CLPB: variants seen among roughly 807,000 people sequenced by gnomAD.
CLPB encodes the protein ClpB family mitochondrial disaggregase.
A neutral mutation model predicts 78.4 loss-of-function variants in CLPB; 40 were observed. The ratio of observed to expected loss-of-function variants is 0.51; its 90% confidence interval spans 0.40 to 0.66. The LOEUF (loss-of-function observed/expected upper bound fraction) is 0.66, where lower values mean the gene tolerates loss of function less well. CLPB is among the 30% of genes least tolerant of loss of function. The pLI, the probability that CLPB is intolerant of heterozygous loss-of-function variation, is 0.00. For synonymous variants in CLPB, 333 were observed against 348.0 expected (o/e 0.96, Z 0.48); for missense variants, 780 against 886.9 (o/e 0.88, Z 1.53).
intron 5 of CLPB, among the ~76,000 whole-genome samples, chr11:72,335,571 T>C (rs1950305516): frequency 6.6e-6 from 1 of 152,202 alleles, no homozygotes; most frequent in African/African-American, 2.4e-5. Flanking sequence ...GACTCAGTCC[T>C]AGCTTCTCCT....
At chr11:72,411,661 CAG>C (rs1292139154) in intron 2 of CLPB, 1 of 152,186 alleles carries the variant, frequency 6.6e-6, no homozygotes, top group African/African-American at 2.4e-5. Flanking sequence ...GAAAGGGACA[CAG>C]GGGCAGCTTT....
intron 2 of CLPB, among the ~76,000 whole-genome samples, chr11:72,406,018 A>C (rs1289334052): frequency 6.6e-6 from 1 of 152,294 alleles, no homozygotes; most frequent in Non-Finnish European, 1.5e-5. Context: ...CCTAGTTGCC[A>C]TTCCTTAGCT....
intron 5 of CLPB, among the ~76,000 whole-genome samples, chr11:72,343,432 C>G (rs1186048566): frequency 1.3e-5 from 2 of 152,116 alleles, no homozygotes; most frequent in Non-Finnish European, 2.9e-5. Flanking sequence ...TCTGCTGATA[C>G]CTGCTTTCAT....
chr11:72,362,022 A>G (rs1950848434), intron 4 of CLPB, among the ~76,000 whole-genome samples: 1 of 152,208 alleles, frequency 6.6e-6, no homozygotes, highest in African/African-American at 2.4e-5. Flanking sequence ...AGCCCAACTA[A>G]TAAGGAATGT....
chr11:72,314,454 G>A (rs573041079), intron 7 of CLPB, among the ~76,000 whole-genome samples: 5 of 152,228 alleles, frequency 3.3e-5, no homozygotes, highest in East Asian at 1.9e-4. Context: ...TGGGCTACTA[G>A]AGAGCAGGTG....
chr11:72,357,674 C>G (rs1950744632), intron 5 of CLPB, among the ~76,000 whole-genome samples: 1 of 107,534 alleles, frequency 9.3e-6, no homozygotes, highest in African/African-American at 3.8e-5. Context: ...CCAGCCTGGG[C>G]AACAAAAGCA....
intron 2 of CLPB, among the ~76,000 whole-genome samples, chr11:72,406,913 T>A (rs912576561): frequency 1.3e-5 from 2 of 152,160 alleles, no homozygotes; most frequent in African/African-American, 4.8e-5. Flanking sequence ...TACGTGTGTG[T>A]GTGTATGTGT....
At chr11:72,403,230 T>C (rs568326182) in intron 2 of CLPB, among the ~76,000 whole-genome samples, 178 bp from the exon 3 acceptor site, 1 of 152,306 alleles carries the variant, frequency 6.6e-6, no homozygotes, top group South Asian at 2.1e-4. Context: ...AGTCAGGAAA[T>C]AGAGGCCTTT....
At position 72,293,630 on chromosome 11, in the gene CLPB, G is replaced by C; in HGVS notation, c.1786-15C>G. The C allele has an allele frequency of 6.2e-7, 1 of 1,604,956 alleles. No individual in the cohort carries two copies. The highest frequency in any genetic ancestry group is 8.5e-7 in the Non-Finnish European group (1 of 1,173,388). On this transcript the variant is annotated splice_polypyrimidine_tract_variant and intron_variant, in intron 15 of 15. Coordinates refer to ENST00000538039, the MANE Select transcript of CLPB (RefSeq NM_001258392.3). The stretch of plus-strand genomic sequence containing the variant: ...CGGCGTTCTACCTGTCGGTGGGGAG[G>C]TGAAGTGGTCACTCCCTCGGCCTGG...
chr11:72,325,415 C>G (rs890811532), intron 6 of CLPB, among the ~76,000 whole-genome samples: 5 of 152,120 alleles, frequency 3.3e-5, no homozygotes, highest in African/African-American at 1.2e-4. Flanking sequence ...CTGCCTCTCC[C>G]CCAGCCAGAT....
At chr11:72,393,920 AC>A (rs1358026122) in intron 3 of CLPB, among the ~76,000 whole-genome samples, 3 of 152,040 alleles carry the variant, frequency 2.0e-5, no homozygotes, top group African/African-American at 7.3e-5. Flanking sequence ...ATATATTAGT[AC>A]CTCCTCAAGC....
At chr11:72,374,993 A>T (rs2135664447) in intron 4 of CLPB, among the ~76,000 whole-genome samples, 1 of 152,348 alleles carries the variant, frequency 6.6e-6, no homozygotes, top group Non-Finnish European at 1.5e-5. Flanking sequence ...CTCAAATTGG[A>T]AACTGAGGTG....
chr11:72,307,620 C>G (rs1949768449), intron 8 of CLPB, among the ~76,000 whole-genome samples: 1 of 152,200 alleles, frequency 6.6e-6, no homozygotes, highest in South Asian at 2.1e-4. Context: ...GCCCTGCATC[C>G]CTCTCAATAC....
At chr11:72,383,731 G>C (rs1260781321) in intron 3 of CLPB, among the ~76,000 whole-genome samples, 2 of 151,866 alleles carry the variant, frequency 1.3e-5, no homozygotes, top group East Asian at 3.9e-4. Context: ...ACTATATCCA[G>C]CAAAACTCTT....
At chr11:72,426,352 C>T (rs914667229) in intron 2 of CLPB, among the ~76,000 whole-genome samples, 2 of 151,914 alleles carry the variant, frequency 1.3e-5, no homozygotes, top group African/African-American at 4.8e-5. Context: ...GACAGATGTG[C>T]CTCTAGTCTG....
intron 5 of CLPB, among the ~76,000 whole-genome samples, chr11:72,344,812 C>G (rs1294448705): frequency 6.6e-6 from 1 of 151,962 alleles, no homozygotes; most frequent in Admixed American, 6.6e-5. Context: ...TTAACATAAA[C>G]AGAAATTTTA....
intron 5 of CLPB, among the ~76,000 whole-genome samples, chr11:72,330,636 T>C (rs1340689153): frequency 6.6e-6 from 1 of 152,148 alleles, no homozygotes; most frequent in Admixed American, 6.5e-5. Flanking sequence ...TCGAAAACCA[T>C]CCATTCCATT....
intron 6 of CLPB, among the ~76,000 whole-genome samples, chr11:72,322,028 G>C (rs1316060816): frequency 6.6e-6 from 1 of 152,104 alleles, no homozygotes; most frequent in Non-Finnish European, 1.5e-5. Flanking sequence ...GAGGAGCCCA[G>C]GAGTGCCAAC....
At chr11:72,394,733 G>A (rs1162238534) in intron 3 of CLPB, among the ~76,000 whole-genome samples, 2 of 152,122 alleles carry the variant, frequency 1.3e-5, no homozygotes, top group Non-Finnish European at 2.9e-5. Flanking sequence ...AGAGATAATC[G>A]GCCATAGCAG....
Sources: allele counts gnomAD v4.1 joint callset (sites outside exome capture counted in the v4.1 genomes callset), GRCh38; gene constraint gnomAD v4.1.1; transcripts MANE v1.5; gene names NCBI Gene and HGNC (gene_info 2026-07-23, HGNC 2026-07-21).